SDK1: variants seen among roughly 807,000 people sequenced by gnomAD.
The protein encoded by SDK1 is sidekick cell adhesion molecule 1.
In SDK1, 157 loss-of-function variants were observed where a neutral mutation model predicts 245.5. The ratio of observed to expected loss-of-function variants is 0.64; its 90% CI spans 0.56 to 0.73. The LOEUF (loss-of-function observed/expected upper bound fraction) is 0.73. SDK1 is among the 30% of genes least tolerant of loss of function. The probability of loss-of-function intolerance (pLI) is 0.00; values close to 1 mark genes in which losing one functional copy is unlikely to be tolerated. For missense variants in SDK1, 3,583 were observed against 3,002.3 expected (o/e 1.19, Z -4.52); for synonymous variants, 1,647 against 1,278.5 (o/e 1.29, Z -6.15).
intron 30 of SDK1, among the ~76,000 whole-genome samples, chr7:4,153,801 C>T (rs535943955): frequency 1.3e-5 from 2 of 152,190 alleles, no homozygotes; most frequent in African/African-American, 4.8e-5. Context: ...CTCAGCCTCC[C>T]GGGTAGCTAA....
rs187735457 is a variant in SDK1 at position 3,474,075 on chromosome 7, A to C, written c.299-145005A>C. Among the ~76,000 whole-genome samples the C allele has an allele frequency of 3.7e-5, 5 of 136,550 alleles. No homozygotes were observed. The Admixed American group carries it at 3.7e-4, about 10-fold the overall frequency. 89.6% of individuals were successfully genotyped at this position (136,550 alleles called of 152,430 possible). A position where few individuals can be genotyped will look rare whatever the true frequency, so the allele number is the denominator to read the frequency against. ...CTGTCCCTTTACCTGTCAACTTGAC[A>C]TCTCTACCAGATGGTGTTTTTTTTT... On this transcript the variant is annotated intron_variant, in intron 1 of 44. Transcript: ENST00000404826.
In SDK1 at chr7:3,749,473, G is replaced by C. The variant is rs1399506326; in HGVS notation, c.714-71977G>C. The stretch of plus-strand genomic sequence containing the variant: ...TACCACCACGCCTGGCTAATTTTTT[G>C]TATCTTTAGTAGAGACAGGGTTTCA... On this transcript the variant is annotated intron_variant, in intron 4 of 44. Coordinates refer to ENST00000404826, the MANE Select transcript of SDK1 (RefSeq NM_152744.4). 2.0e-5 allele frequency among the ~76,000 whole-genome samples: 3 copies of C among 152,162 alleles called. No individual in the cohort carries two copies. In the East Asian group the frequency reaches 5.8e-4, roughly 29 times the overall value.
intron 2 of SDK1, among the ~76,000 whole-genome samples, chr7:3,627,527 A>T (rs1355284621): frequency 6.6e-6 from 1 of 152,198 alleles, no homozygotes; most frequent in South Asian, 2.1e-4. Flanking sequence ...TCCGTGGTAG[A>T]AAGGTCAAAT....
At chr7:3,933,271 C>T (rs936674328) in intron 5 of SDK1, among the ~76,000 whole-genome samples, 1 of 151,766 alleles carries the variant, frequency 6.6e-6, no homozygotes, top group East Asian at 1.9e-4. Context: ...CCACCACTCC[C>T]AGCTAATTTA....
chr7:3,561,007 T>C (rs1359228038), intron 1 of SDK1, among the ~76,000 whole-genome samples: 2 of 152,210 alleles, frequency 1.3e-5, no homozygotes, highest in Non-Finnish European at 2.9e-5. Context: ...TTTTTTTCTT[T>C]TGGCACTTAT....
chr7:3,747,561 A>C (rs893437730), intron 4 of SDK1, among the ~76,000 whole-genome samples: 1 of 152,154 alleles, frequency 6.6e-6, no homozygotes, highest in Non-Finnish European at 1.5e-5. Context: ...AAGCACTAGG[A>C]ATAGAGTAGT....
intron 5 of SDK1, among the ~76,000 whole-genome samples, chr7:3,921,299 T>C (rs1254588932): frequency 6.6e-6 from 1 of 152,250 alleles, no homozygotes; most frequent in Non-Finnish European, 1.5e-5. Context: ...TTAACTATGT[T>C]ATCATTTTCA....
chr7:4,222,949 G>T (rs1375026), intron 40 of SDK1, among the ~76,000 whole-genome samples: 1 of 151,818 alleles, frequency 6.6e-6, no homozygotes, highest in Admixed American at 6.6e-5. Context: ...GGAGGCCAAG[G>T]GGGAGGGAGC....
chr7:3,501,489 T>C (rs2614957), intron 1 of SDK1, among the ~76,000 whole-genome samples: 35,557 of 152,000 alleles, frequency 0.23, 4,537 homozygotes, highest in South Asian at 0.36. Flanking sequence ...ATTTATGACA[T>C]TGATTTTGAT....
At chr7:3,591,839 A>T (rs570187916) in intron 1 of SDK1, among the ~76,000 whole-genome samples, 9 of 152,350 alleles carry the variant, frequency 5.9e-5, no homozygotes, top group Non-Finnish European at 1.2e-4. Context: ...AAACCTTTAA[A>T]TTAGTGATTC....
chr7:4,151,572 G>C (rs1037438601), intron 30 of SDK1, among the ~76,000 whole-genome samples: 1 of 152,146 alleles, frequency 6.6e-6, no homozygotes, highest in Non-Finnish European at 1.5e-5. Flanking sequence ...TTTCCCTGGT[G>C]ATCTAGTCAC....
chr7:3,903,637 A>G (rs1781867256), intron 5 of SDK1, among the ~76,000 whole-genome samples: 1 of 152,150 alleles, frequency 6.6e-6, no homozygotes, highest in Non-Finnish European at 1.5e-5. Flanking sequence ...ATGCAAGAGA[A>G]CTGAAAGCAT....
At chr7:4,093,137 A>G (rs1017702589) in intron 22 of SDK1, among the ~76,000 whole-genome samples, 6 of 152,232 alleles carry the variant, frequency 3.9e-5, no homozygotes, top group Admixed American at 2.6e-4. Context: ...AGCAGCTTTT[A>G]TAGGTATTTC....
chr7:3,740,652 A>G (rs981433869), intron 4 of SDK1, among the ~76,000 whole-genome samples: 6 of 152,172 alleles, frequency 3.9e-5, no homozygotes, highest in Non-Finnish European at 8.8e-5. Flanking sequence ...GTTGGTTTTC[A>G]AGGGTCCTGT....
chr7:3,306,038 C>T (rs1157433049), intron 1 of SDK1, among the ~76,000 whole-genome samples: 2 of 152,044 alleles, frequency 1.3e-5, no homozygotes, highest in Non-Finnish European at 2.9e-5. Flanking sequence ...GTTCATAACC[C>T]CTGGGCTGGA....
intron 24 of SDK1, among the ~76,000 whole-genome samples, chr7:4,113,671 T>C (rs1783498661): frequency 6.6e-6 from 1 of 152,242 alleles, no homozygotes; most frequent in Admixed American, 6.5e-5. Flanking sequence ...CTGAGGAATA[T>C]TCCTTGGGGC....
rs78686170 is a variant in SDK1 at position 4,023,232 on chromosome 7, C to G, written c.2602+5880C>G. On this transcript the variant is annotated intron_variant, in intron 17 of 44. Transcript: ENST00000404826. ...TAACTTTCCTGACTTTTCTTATCCC[C>G]CTTCATCCACCATCCCCCATTATCT... Among the ~76,000 whole-genome samples the G allele has an allele frequency of 0.014, 2,114 of 152,208 alleles. 129 individuals carry two copies. In the East Asian group the frequency reaches 0.19, roughly 14 times the overall value.
At chr7:3,699,811 G>C (rs1283688413) in intron 4 of SDK1, among the ~76,000 whole-genome samples, 1 of 152,140 alleles carries the variant, frequency 6.6e-6, no homozygotes, top group East Asian at 1.9e-4. Flanking sequence ...AATGGTTAAA[G>C]ATTTCCTGAA....
At chr7:3,395,171 G>C (rs1046793783) in intron 1 of SDK1, among the ~76,000 whole-genome samples, 1 of 151,900 alleles carries the variant, frequency 6.6e-6, no homozygotes, top group East Asian at 1.9e-4. Context: ...AGGTTGCTGA[G>C]ACTTTTTATC....
Sources: allele counts gnomAD v4.1 joint callset (sites outside exome capture counted in the v4.1 genomes callset), GRCh38; gene constraint gnomAD v4.1.1; transcripts MANE v1.5; gene names NCBI Gene and HGNC (gene_info 2026-07-23, HGNC 2026-07-21).